GDPD4: variants seen among roughly 807,000 people sequenced by gnomAD.
The protein encoded by GDPD4 is glycerophosphodiester phosphodiesterase domain containing 4.
Under a neutral mutation model 67.8 loss-of-function variants are expected in GDPD4, and 60 were observed. The observed-to-expected ratio is 0.88, with a 90% CI of 0.72 to 1.10. GDPD4 has a LOEUF of 1.10. GDPD4 is among the 50% of genes least tolerant of loss of function. The probability of loss-of-function intolerance (pLI) is 0.00; values close to 1 mark genes in which losing one functional copy is unlikely to be tolerated. For missense variants in GDPD4, 623 were observed against 613.9 expected, an observed-to-expected ratio of 1.01 and a Z score of -0.16; for synonymous variants, 212 against 210.9, an observed-to-expected ratio of 1.00 and a Z score of -0.04.
At position 77,227,258 on chromosome 11, in the gene GDPD4, C is replaced by A. The variant is rs371495381; in HGVS notation, c.1525+606G>T. On this transcript the variant is annotated intron_variant, in intron 16 of 16. Coordinates refer to ENST00000315938, the MANE Select transcript of GDPD4 (RefSeq NM_182833.3). ...TGTCGCTTCCTTGTGTGAATGAAAG[C>A]GATAATGCCATCTCCTAACTGCCAA... 3.9e-5 allele frequency among the ~76,000 whole-genome samples: 6 copies of A among 152,300 alleles called. No individual in the cohort carries two copies. The East Asian group carries it at 1.2e-3, about 29-fold the overall frequency.
At chr11:77,270,893 A>G (rs1201359773) in intron 7 of GDPD4, 5 of 468,494 alleles carry the variant, frequency 1.1e-5, no homozygotes, top group Non-Finnish European at 1.9e-5. Flanking sequence ...ATTTTTCCAA[A>G]AAAAGAATCC....
At chr11:77,281,863 G>A (rs1047091582) in intron 3 of GDPD4, among the ~76,000 whole-genome samples, 1 of 152,106 alleles carries the variant, frequency 6.6e-6, no homozygotes, top group African/African-American at 2.4e-5. Context: ...GGCGTACACA[G>A]CTTAGGCCTC....
chr11:77,277,390 C>CTTT (rs1442904233), intron 4 of GDPD4, among the ~76,000 whole-genome samples: 2 of 58,592 alleles, frequency 3.4e-5, no homozygotes, highest in African/African-American at 4.4e-5. Flanking sequence ...AGCCATGTTT[C>CTTT]CTTTTTTTTT....
intron 1 of GDPD4, among the ~76,000 whole-genome samples, chr11:77,300,833 T>C (rs1046953508): frequency 3.0e-4 from 45 of 152,124 alleles, no homozygotes; most frequent in African/African-American, 8.2e-4. Context: ...ACAATGGAAA[T>C]GAGAAAAAAA....
chr11:77,263,537 C>T (rs942509535), intron 10 of GDPD4, among the ~76,000 whole-genome samples: 1 of 152,022 alleles, frequency 6.6e-6, no homozygotes, highest in African/African-American at 2.4e-5. Context: ...GAGAAAACAA[C>T]AAAATGATAG....
Position 77,233,129 on chromosome 11 carries a change from T to C in GDPD4, c.1285A>G (p.Asn429Asp), listed in dbSNP as rs139880084. ...GCCAGTGAGAAAAGCCAAGGCTCAT[T>C]GACGGTGTATACGTTGATATGGATG... Reference protein sequence around the residue: ...ANIHINVYTVNEPWLFSLAWC... With the variant: ...ANIHINVYTVDEPWLFSLAWC... Residue 429 changes from asparagine to aspartate, a missense_variant, in exon 14 of 17, where the codon AAT becomes GAT. By Grantham distance (23) the Asn-to-Asp change is conservative. Coordinates refer to ENST00000315938, the MANE Select transcript of GDPD4 (RefSeq NM_182833.3). The C allele has an allele frequency of 9.7e-5, 157 of 1,613,962 alleles. No homozygotes were observed. Among genetic ancestry groups the C allele is most frequent in the Non-Finnish European group, 1.3e-4 (152 of 1,179,946 alleles).
rs762181015 is a variant in GDPD4, at chr11:77,279,380, C to T, written c.73G>A (p.Gly25Arg). Reference sequence around the variant, plus strand: ...AAAATAGACCAGAAAAACCAGTATCCTGTTCCTAGAAAAGTGACCCTGAAA... The same window carrying T: ...AAAATAGACCAGAAAAACCAGTATCTTGTTCCTAGAAAAGTGACCCTGAAA... ...NFDWVTFLGTGYWFFWSIFIL... is the reference protein window; with the variant it reads ...NFDWVTFLGTRYWFFWSIFIL... The change falls in exon 4 of 17, where the codon GGA becomes AGA. Residue 25 changes from glycine (G) to arginine (R), a missense_variant. Coordinates refer to ENST00000315938, the MANE Select transcript of GDPD4 (RefSeq NM_182833.3). 60 of 1,610,358 alleles carry T rather than the reference C, an allele frequency of 3.7e-5. 1 individual carries two copies. The South Asian group carries it at 6.5e-4, about 17-fold the overall frequency.
intron 1 of GDPD4, among the ~76,000 whole-genome samples, chr11:77,295,422 A>G (rs1241251952): frequency 1.3e-5 from 2 of 151,860 alleles, no homozygotes; most frequent in African/African-American, 4.8e-5. Context: ...ACTTGAGCCC[A>G]GGAATTTGAG....
chr11:77,288,357 G>A (rs1046787742), intron 1 of GDPD4, among the ~76,000 whole-genome samples: 4 of 151,876 alleles, frequency 2.6e-5, no homozygotes, highest in East Asian at 1.9e-4. Context: ...GGCCCACCTC[G>A]ACCTGCTAAC....
intron 3 of GDPD4, among the ~76,000 whole-genome samples, chr11:77,283,211 C>T (rs770885222): frequency 2.6e-5 from 4 of 152,188 alleles, no homozygotes; most frequent in African/African-American, 7.2e-5. Context: ...GTGGTCAGTG[C>T]AAAAGCCTGT....
intron 1 of GDPD4, among the ~76,000 whole-genome samples, chr11:77,288,809 A>G (rs1937660931): frequency 6.6e-6 from 1 of 152,220 alleles, no homozygotes; most frequent in African/African-American, 2.4e-5. Flanking sequence ...AGAGATTCCA[A>G]TGTAAAAGAA....
intron 3 of GDPD4, among the ~76,000 whole-genome samples, chr11:77,280,420 G>A (rs956042098): frequency 2.2e-5 from 3 of 137,516 alleles, no homozygotes; most frequent in South Asian, 2.2e-4. Context: ...AAAAATTTTC[G>A]AAATTAAAAA....
chr11:77,300,224 A>G (rs1670455), intron 1 of GDPD4, among the ~76,000 whole-genome samples: 46,133 of 151,822 alleles, frequency 0.3, 7,123 homozygotes, highest in African/African-American at 0.31. Flanking sequence ...AAATTAGCCA[A>G]TTGGAATTAG....
At chr11:77,248,430 T>C (rs1317114225) in intron 11 of GDPD4, among the ~76,000 whole-genome samples, 1 of 152,052 alleles carries the variant, frequency 6.6e-6, no homozygotes, top group African/African-American at 2.4e-5. Context: ...CTCGAACTCC[T>C]GACCTTGTGA....
rs1231503513 is a variant in GDPD4 at position 77,216,749 on chromosome 11, C to A, written c.*528G>T. The stretch of plus-strand genomic sequence containing the variant: ...ATGGTTCCCCTGAGAGCCTCCGTGG[C>A]CCTTCTGTGTGCCTTTATCAACCAC... On this transcript the variant is annotated 3_prime_UTR_variant, in exon 17 of 17. Transcript: ENST00000315938. 1 of 597,926 alleles carries A rather than the reference C, an allele frequency of 1.7e-6. No homozygotes were observed. Among genetic ancestry groups the A allele is most frequent in the Non-Finnish European group, 3.0e-6 (1 of 337,342 alleles). 37.0% of individuals were successfully genotyped at this position (597,926 alleles called of 1,614,324 possible).
chr11:77,242,369 G>C (rs537234546), intron 13 of GDPD4, among the ~76,000 whole-genome samples: 2 of 152,146 alleles, frequency 1.3e-5, no homozygotes, highest in South Asian at 4.1e-4. Context: ...AAATAAAACA[G>C]AGGGCAATTC....
Position 77,278,033 on chromosome 11 carries a change from T to C in GDPD4, c.147+1273A>G, listed in dbSNP as rs945721443. The stretch of plus-strand genomic sequence containing the variant: ...AGGAGCAGGTTGTTCAGTTTCCATG[T>C]AGTTGAGCGGTTTTGAGTGAGTTTC... On this transcript the variant is annotated intron_variant, in intron 4 of 16. Coordinates refer to ENST00000315938, the MANE Select transcript of GDPD4 (RefSeq NM_182833.3). Among the ~76,000 whole-genome samples the C allele has an allele frequency of 2.6e-5, 4 of 152,242 alleles. No individual in the cohort carries two copies. In the South Asian group the frequency reaches 6.2e-4, roughly 24 times the overall value.
At chr11:77,293,848 AC>A (rs1937861184) in intron 1 of GDPD4, among the ~76,000 whole-genome samples, 4 of 152,182 alleles carry the variant, frequency 2.6e-5, no homozygotes, top group Admixed American at 2.6e-4. Flanking sequence ...AAGATCAGAA[AC>A]AAAGCAAGGA....
At chr11:77,264,484 T>C (rs553140255) in intron 10 of GDPD4, among the ~76,000 whole-genome samples, 40 of 152,148 alleles carry the variant, frequency 2.6e-4, no homozygotes, top group African/African-American at 9.6e-4. Flanking sequence ...AGAAGTCACA[T>C]AGGAAACAGC....
Sources: gnomAD v4.1 joint callset for allele counts (sites outside exome capture counted in the v4.1 genomes callset) on GRCh38, gnomAD v4.1.1 for gene constraint, MANE v1.5 for transcripts, NCBI Gene and HGNC (gene_info 2026-07-23, HGNC 2026-07-21) for gene names.